The following PCDH9 variants were observed in gnomAD, a reference collection of about 807,000 sequenced individuals.
PCDH9 encodes protocadherin-9.
Under a neutral mutation model 70.6 loss-of-function variants are expected in PCDH9, and 24 were observed. That is an observed-to-expected ratio of 0.34 (90% CI 0.25 to 0.48). The LOEUF is 0.48. Ranked by LOEUF, PCDH9 falls within the 20% of genes least tolerant of loss-of-function variation. The pLI, the probability that PCDH9 is intolerant of heterozygous loss-of-function variation, is 0.99. For missense variants in PCDH9, 1,281 were observed against 1,503.6 expected (o/e 0.85, Z 2.45); for synonymous variants, 562 against 558.5 (o/e 1.01, Z -0.09).
chr13:67,000,323 G>A (rs1450322265), intron 2 of PCDH9, among the ~76,000 whole-genome samples: 1 of 142,272 alleles, frequency 7.0e-6, no homozygotes, highest in African/African-American at 2.6e-5. Flanking sequence ...CACACTCTGG[G>A]GACTGTTGTG....
chr13:66,976,971 C>A (rs563868692), intron 2 of PCDH9, among the ~76,000 whole-genome samples: 99 of 152,102 alleles, frequency 6.5e-4, no homozygotes, highest in African/African-American at 2.3e-3. Context: ...TCCATTTAAA[C>A]ACTAATGTTG....
chr13:66,752,077 A>G (rs2079468436), intron 3 of PCDH9, among the ~76,000 whole-genome samples: 1 of 152,174 alleles, frequency 6.6e-6, no homozygotes, highest in African/African-American at 2.4e-5. Flanking sequence ...GGGTCAATCA[A>G]TCAAATAGCT....
chr13:67,200,471 A>G (rs1329407573), intron 2 of PCDH9, among the ~76,000 whole-genome samples: 1 of 152,064 alleles, frequency 6.6e-6, no homozygotes, highest in Non-Finnish European at 1.5e-5. Context: ...TCTTAGCAAA[A>G]TAAGTGAATC....
intron 4 of PCDH9, among the ~76,000 whole-genome samples, chr13:66,538,462 A>G (rs1373907895): frequency 6.6e-6 from 1 of 152,110 alleles, no homozygotes; most frequent in Admixed American, 6.6e-5. Flanking sequence ...GATGGTCAAG[A>G]TTCTCCAGAG....
chr13:66,778,230 T>C (rs1256570328), intron 3 of PCDH9, among the ~76,000 whole-genome samples: 2 of 151,948 alleles, frequency 1.3e-5, no homozygotes, highest in African/African-American at 2.4e-5. Flanking sequence ...CATGTATACA[T>C]ATGTAACTAA....
At chr13:66,767,329 A>T (rs1017937354) in intron 3 of PCDH9, among the ~76,000 whole-genome samples, 2 of 152,144 alleles carry the variant, frequency 1.3e-5, no homozygotes, top group African/African-American at 4.8e-5. Flanking sequence ...AAATCCCACC[A>T]TTGGAATTGC....
intron 4 of PCDH9, among the ~76,000 whole-genome samples, chr13:66,415,583 T>G (rs1174888939): frequency 6.6e-6 from 1 of 152,218 alleles, no homozygotes; most frequent in African/African-American, 2.4e-5. Flanking sequence ...CTAAAGAGTG[T>G]CGTCTTACAT....
At chr13:66,581,065 C>T (rs1296660876) in intron 4 of PCDH9, among the ~76,000 whole-genome samples, 1 of 152,088 alleles carries the variant, frequency 6.6e-6, no homozygotes, top group African/African-American at 2.4e-5. Context: ...AAAGTCTTTA[C>T]ACCCATTTTT....
At chr13:67,109,117 C>A (rs192810173) in intron 2 of PCDH9, among the ~76,000 whole-genome samples, 277 of 152,240 alleles carry the variant, frequency 1.8e-3, no homozygotes, top group Middle Eastern at 0.017. Context: ...ACTTTAGACT[C>A]TCACAAATTT....
rs2138049405 is a variant in PCDH9, at chr13:66,304,780, G to T, written c.3589C>A (p.Gln1197Lys). 6.2e-7 allele frequency: 1 copy of T among 1,613,484 alleles called. No homozygotes were observed. Among genetic ancestry groups the T allele is most frequent in the Non-Finnish European group, 8.5e-7 (1 of 1,179,724 alleles). The change falls in exon 5 of 5, where the codon CAG becomes AAG. Residue 1197 changes from glutamine to lysine, a missense_variant. Around this residue, in one of 4 missense-constraint regions of PCDH9, gnomAD observed 264 missense variants for 278.8 expected, o/e 0.95. Coordinates refer to ENST00000377865, the MANE Select transcript of PCDH9 (RefSeq NM_203487.3). ...AAATGGCCTTCATTGGAGCCATACT[G>T]CTTACGGTCATTGAACTGGTTCCTG... ...SNRNQFNDRK[Q>K]YGSNEGHFNN...
intron 3 of PCDH9, among the ~76,000 whole-genome samples, chr13:66,688,323 T>A (rs4884689): frequency 0.32 from 48,730 of 152,016 alleles, 8,557 homozygotes; most frequent in East Asian, 0.51. Flanking sequence ...TATTTAGAAC[T>A]TGTGTCCTAT....
chr13:66,947,248 C>CTA (rs778829932), intron 2 of PCDH9, among the ~76,000 whole-genome samples: 1 of 152,096 alleles, frequency 6.6e-6, no homozygotes, highest in Non-Finnish European at 1.5e-5. Flanking sequence ...CACACTTGTG[C>CTA]TAAAGCAATT....
chr13:67,224,651 T>C (rs1233526908), intron 2 of PCDH9: 4 of 207,990 alleles, frequency 1.9e-5, no homozygotes, highest in Non-Finnish European at 2.5e-5. Context: ...AGATCACTTA[T>C]GCATTACTAA....
intron 4 of PCDH9, among the ~76,000 whole-genome samples, chr13:66,447,741 G>C: frequency 6.6e-6 from 1 of 152,132 alleles, no homozygotes. Context: ...AATAAAGTGA[G>C]TGAAAGTTGT....
intron 4 of PCDH9, among the ~76,000 whole-genome samples, chr13:66,523,528 G>A (rs1960086862): frequency 6.6e-6 from 1 of 151,758 alleles, no homozygotes; most frequent in Non-Finnish European, 1.5e-5. Context: ...CGAAGATTCA[G>A]ATGAACTTAA....
intron 2 of PCDH9, among the ~76,000 whole-genome samples, chr13:66,987,439 TAA>T (rs2083914765): frequency 6.6e-6 from 1 of 152,044 alleles, no homozygotes; most frequent in Non-Finnish European, 1.5e-5. Context: ...TTGACTATTT[TAA>T]AAGTTTATGA....
At chr13:66,897,069 A>G (rs2082193174) in intron 3 of PCDH9, among the ~76,000 whole-genome samples, 1 of 152,106 alleles carries the variant, frequency 6.6e-6, no homozygotes, top group Non-Finnish European at 1.5e-5. Flanking sequence ...CTTACACTTT[A>G]TGGTAACATG....
At chr13:66,418,749 T>C (rs1957506948) in intron 4 of PCDH9, among the ~76,000 whole-genome samples, 1 of 151,756 alleles carries the variant, frequency 6.6e-6, no homozygotes, top group African/African-American at 2.4e-5. Context: ...AGAGAAGAAC[T>C]GAAGGAGATA....
intron 2 of PCDH9, among the ~76,000 whole-genome samples, chr13:67,141,422 T>TCC (rs1238978546): frequency 6.6e-6 from 1 of 150,846 alleles, no homozygotes; most frequent in Non-Finnish European, 1.5e-5. Flanking sequence ...ATCTTCTCTC[T>TCC]CTCTCTCTCT....
Sources: allele counts gnomAD v4.1 joint callset (sites outside exome capture counted in the v4.1 genomes callset), GRCh38; gene constraint gnomAD v4.1.1; regional missense constraint gnomAD v4.1.1; transcripts MANE v1.5; gene names NCBI Gene and HGNC (gene_info 2026-07-23, HGNC 2026-07-21).